CHAT: variants seen among roughly 807,000 people sequenced by gnomAD.
The protein encoded by CHAT is acetyl CoA:choline O-acetyltransferase.
In CHAT, 61 loss-of-function variants were observed where a neutral mutation model predicts 76.9. That is an observed-to-expected ratio of 0.79 (90% confidence interval 0.65 to 0.98). CHAT has a LOEUF of 0.98. Ranked by LOEUF, CHAT falls within the 50% of genes least tolerant of loss-of-function variation. CHAT has a pLI of 0.00. For missense variants in CHAT, 946 were observed against 986.9 expected (o/e 0.96, Z 0.56); for synonymous variants, 407 against 397.4 (o/e 1.02, Z -0.29).
rs139324199 is a variant in CHAT at position 49,655,162 on chromosome 10, GACA to G, written c.1706_1708del (p.Asn569del). On this transcript the variant is annotated inframe_deletion, in exon 12 of 15. Transcript: ENST00000337653. Reference sequence around the variant, plus strand: ...CCGCCGATTCCAGGAGGGACGCGTGGACAACATCAGATCGGCCACTCCAGAGGC... The same window carrying G: ...CCGCCGATTCCAGGAGGGACGCGTGGACATCAGATCGGCCACTCCAGAGGC... 5 of 1,613,950 alleles carry G rather than the reference GACA, an allele frequency of 3.1e-6. No individual in the cohort carries two copies. Among genetic ancestry groups the G allele is most frequent in the African/African-American group, 1.3e-5 (1 of 74,902 alleles).
rs770937861 is a variant in CHAT, at chr10:49,646,653, C to T, written c.1260C>T (p.Arg420=). 1 of 1,613,950 alleles carries T rather than the reference C, an allele frequency of 6.2e-7. No homozygotes were observed. The highest frequency in any genetic ancestry group is 1.7e-5 in the Admixed American group (1 of 60,034). The stretch of plus-strand genomic sequence containing the variant: ...GCTACAGCAAGAACGGGGCCAATCG[C>T]TGGTACGACAAGTCCCTGCAGGTAA... ...GGGYSKNGAN[R]WYDKSLQFVV... Residue 420 remains arginine (R), a synonymous_variant, in exon 8 of 15, where the codon CGC becomes CGT. Coordinates refer to ENST00000337653, the MANE Select transcript of CHAT (RefSeq NM_020549.5).
At chr10:49,638,275 G>A (rs988043733) in intron 7 of CHAT, among the ~76,000 whole-genome samples, 2 of 151,996 alleles carry the variant, frequency 1.3e-5, no homozygotes, top group Non-Finnish European at 2.9e-5. Context: ...TTTGATTAAT[G>A]TTTGCATGCT....
intron 7 of CHAT, among the ~76,000 whole-genome samples, chr10:49,639,167 G>C (rs894144181): frequency 1.3e-4 from 20 of 152,178 alleles, no homozygotes; most frequent in Non-Finnish European, 2.4e-4. Context: ...CTGGGAGGCG[G>C]AAGTTGCAGT....
chr10:49,642,740 G>C (rs1014316085), intron 7 of CHAT, among the ~76,000 whole-genome samples: 1 of 152,238 alleles, frequency 6.6e-6, no homozygotes, highest in Non-Finnish European at 1.5e-5. Flanking sequence ...GGATCGCTTA[G>C]TGAAGGCAGC....
intron 8 of CHAT, 70 bp downstream of exon 8, chr10:49,646,744 C>A: frequency 6.4e-7 from 1 of 1,550,924 alleles, no homozygotes; most frequent in Non-Finnish European, 8.8e-7. Flanking sequence ...GGCAAGCGGG[C>A]ACAGCCTGGT....
intron 13 of CHAT, among the ~76,000 whole-genome samples, chr10:49,662,162 G>A (rs552312980): frequency 1.5e-4 from 23 of 152,272 alleles, no homozygotes; most frequent in South Asian, 1.0e-3. Flanking sequence ...AGGAGACAGC[G>A]CTGGTTGTGG....
intron 6 of CHAT, among the ~76,000 whole-genome samples, chr10:49,627,013 C>G (rs1007658692): frequency 6.6e-6 from 1 of 152,216 alleles, no homozygotes; most frequent in African/African-American, 2.4e-5. Flanking sequence ...CCTCCACTCA[C>G]CAGTGTGTTT....
Position 49,614,057 on chromosome 10 carries a change from G to A in CHAT, c.-133G>A. On this transcript the variant is annotated 5_prime_UTR_variant, in exon 1 of 15. Coordinates refer to ENST00000337653, the MANE Select transcript of CHAT (RefSeq NM_020549.5). ...CTGGGAAATGCTGAGCTAGGGGCAGGAGGCATGGGCGGGACAGTGTTCTGT... is the reference window on the plus strand; with the variant it reads ...CTGGGAAATGCTGAGCTAGGGGCAGAAGGCATGGGCGGGACAGTGTTCTGT... 2 of 1,472,200 alleles carry A rather than the reference G, an allele frequency of 1.4e-6. No homozygotes were observed. The highest frequency in any genetic ancestry group is 1.8e-6 in the Non-Finnish European group (2 of 1,088,380). The allele number at this position is 1,472,200 out of a possible 1,614,324, so 91.2% of individuals were successfully genotyped here.
chr10:49,662,505 A>G lies in CHAT; in HGVS notation c.1840-140A>G. 3 of 1,092,832 alleles carry G rather than the reference A, an allele frequency of 2.7e-6. No homozygotes were observed. The African/African-American group carries it at 4.6e-5, about 17-fold the overall frequency. 67.7% of individuals were successfully genotyped at this position (1,092,832 alleles called of 1,614,324 possible). ...GTCAGTCCTGAGCAGCCACTCATAC[A>G]CATTGTTGGCAGCAGGCACTGGGTA... is the stretch of plus-strand genomic sequence containing the variant. On this transcript the variant is annotated intron_variant, in intron 13 of 14. Transcript: ENST00000337653.
chr10:49,655,605 G>A lies in CHAT; in HGVS notation c.1839+157G>A, dbSNP rs539323923. 2.0e-4 allele frequency among the ~76,000 whole-genome samples: 31 copies of A among 152,316 alleles called. No homozygotes were observed. In the South Asian group the frequency reaches 5.2e-3, roughly 26 times the overall value. On this transcript the variant is annotated intron_variant, in intron 13 of 14. Transcript: ENST00000337653. ...TCACCACTCGGTCTCTTGTTTCTTC[G>A]TTTTAGAACCTAAGTAACATAGCAT...
intron 8 of CHAT, among the ~76,000 whole-genome samples, chr10:49,647,559 A>G (rs1432306741): frequency 3.3e-5 from 5 of 152,014 alleles, no homozygotes; most frequent in Non-Finnish European, 7.4e-5. Context: ...TTTCCTTTTT[A>G]TTGGTTTGCA....
intron 7 of CHAT, among the ~76,000 whole-genome samples, chr10:49,639,343 G>A (rs150638232): frequency 5.3e-5 from 8 of 152,018 alleles, no homozygotes; most frequent in African/African-American, 1.9e-4. Flanking sequence ...ATATGAAAAT[G>A]TTTTGATTTC....
intron 11 of CHAT, among the ~76,000 whole-genome samples, chr10:49,653,584 A>C (rs1839945949): frequency 6.6e-6 from 1 of 152,242 alleles, no homozygotes; most frequent in African/African-American, 2.4e-5. Flanking sequence ...GAGTGCAGCC[A>C]CTTTGAGTGT....
chr10:49,635,942 G>A (rs1043722756), intron 7 of CHAT, among the ~76,000 whole-genome samples: 1 of 151,972 alleles, frequency 6.6e-6, no homozygotes, highest in African/African-American at 2.4e-5. Flanking sequence ...GGCAAGAAAA[G>A]GGAATAAAAG....
At chr10:49,652,614 GC>G (rs947136465) in intron 11 of CHAT, among the ~76,000 whole-genome samples, 1 of 152,244 alleles carries the variant, frequency 6.6e-6, no homozygotes, top group Admixed American at 6.5e-5. Context: ...TTCCAGTGTT[GC>G]CCCTGGTAAT....
At chr10:49,619,976 G>C in intron 3 of CHAT, 60 bp downstream of exon 3, 1 of 1,540,710 alleles carries the variant, frequency 6.5e-7, no homozygotes, top group South Asian at 1.2e-5. Context: ...TGGAGACAGA[G>C]GGATCTCGGT....
chr10:49,640,546 G>A (rs1205375880), intron 7 of CHAT, among the ~76,000 whole-genome samples: 2 of 152,054 alleles, frequency 1.3e-5, no homozygotes, highest in Non-Finnish European at 2.9e-5. Flanking sequence ...TATTAATGCT[G>A]TGTGGGGAAA....
At position 49,629,125 on chromosome 10, in the gene CHAT, A is replaced by C. The variant is rs184227788; in HGVS notation, c.1111+1340A>C. ...AGGACAACTTTGCATTTGTTTGATA[A>C]ATGCTGATTATCTGCCTTTCCCCCC... On this transcript the variant is annotated intron_variant, in intron 7 of 14. Transcript: ENST00000337653. Among the ~76,000 whole-genome samples the C allele has an allele frequency of 2.0e-5, 3 of 152,252 alleles. No individual in the cohort carries two copies. In the East Asian group the frequency reaches 5.8e-4, roughly 29 times the overall value.
At chr10:49,653,089 G>A (rs1242244769) in intron 11 of CHAT, among the ~76,000 whole-genome samples, 2 of 151,784 alleles carry the variant, frequency 1.3e-5, no homozygotes, top group Non-Finnish European at 2.9e-5. Flanking sequence ...GACATTCTGG[G>A]CATCTCGCAT....
Sources: gnomAD v4.1 joint callset for allele counts (sites outside exome capture counted in the v4.1 genomes callset) on GRCh38, gnomAD v4.1.1 for gene constraint, MANE v1.5 for transcripts, NCBI Gene and HGNC (gene_info 2026-07-23, HGNC 2026-07-21) for gene names.